The following PKD1L3 variants were observed in gnomAD, a reference collection of about 807,000 sequenced individuals.
PKD1L3 encodes polycystin-1-like protein 3.
A neutral mutation model predicts 184.1 loss-of-function variants in PKD1L3; 239 were observed. The ratio of observed to expected loss-of-function variants is 1.30; its 90% CI spans 1.17 to 1.45. The LOEUF is 1.45. PKD1L3 is among the 40% of genes most tolerant of loss of function. PKD1L3 has a pLI of 0.00. For missense variants in PKD1L3, 2,660 were observed against 2,067.2 expected (o/e 1.29, Z -5.56); for synonymous variants, 996 against 778.8 (o/e 1.28, Z -4.64).
chr16:71,989,346 T>A (rs1452774636), intron 4 of PKD1L3, among the ~76,000 whole-genome samples: 1 of 152,042 alleles, frequency 6.6e-6, no homozygotes, highest in East Asian at 1.9e-4. Flanking sequence ...AGAGACGAGG[T>A]TTCACCATGT....
At chr16:71,997,488 C>T (rs907468377) in intron 2 of PKD1L3, among the ~76,000 whole-genome samples, 2 of 151,942 alleles carry the variant, frequency 1.3e-5, no homozygotes, top group African/African-American at 4.8e-5. Flanking sequence ...GTGGCTCATG[C>T]CTGTAATCCC....
Position 71,967,700 on chromosome 16 carries a change from G to A in PKD1L3, c.2286+206C>T, listed in dbSNP as rs192298680. Reference sequence around the variant, plus strand: ...GGCTGGTCTCAAACTCCTGACCTTAGGTGACCTCCCCACCTTGGCCTCCCA... The same window carrying A: ...GGCTGGTCTCAAACTCCTGACCTTAAGTGACCTCCCCACCTTGGCCTCCCA... On this transcript the variant is annotated intron_variant, in intron 14 of 29. Coordinates refer to ENST00000620267, the MANE Select transcript of PKD1L3 (RefSeq NM_181536.2). 3.2e-3 allele frequency among the ~76,000 whole-genome samples: 493 copies of A among 152,170 alleles called. 1 individual carries two copies. The highest frequency in any genetic ancestry group is 0.01 in the Middle Eastern group (3 of 294).
intron 23 of PKD1L3, 91 bp downstream of exon 23, chr16:71,943,939 C>T (rs1332995132): frequency 1.4e-6 from 2 of 1,386,440 alleles, no homozygotes; most frequent in Non-Finnish European, 1.9e-6. Context: ...AGCTTTTTAA[C>T]CCTTCTTTAT....
rs367878627 is a variant in PKD1L3 at position 71,990,367 on chromosome 16, G to A, written c.536-38C>T. ...GAAAGCAGACTAAGTTCAAGTAAAA[G>A]CCTAAGACAGAAATATTCGTTTTAC... On this transcript the variant is annotated intron_variant, in intron 3 of 29. Coordinates refer to ENST00000620267, the MANE Select transcript of PKD1L3 (RefSeq NM_181536.2). 83 of 1,471,282 alleles carry A rather than the reference G, an allele frequency of 5.6e-5. No homozygotes were observed. In the African/African-American group the frequency reaches 1.1e-3, roughly 20 times the overall value. 91.1% of individuals were successfully genotyped at this position (1,471,282 alleles called of 1,614,324 possible).
At chr16:71,954,740 G>C (rs979515894) in intron 16 of PKD1L3, among the ~76,000 whole-genome samples, 1 of 152,180 alleles carries the variant, frequency 6.6e-6, no homozygotes, top group Non-Finnish European at 1.5e-5. Flanking sequence ...AAAAGACTTT[G>C]CTGGGCTTAA....
chr16:71,941,122 G>A (rs2038345190), intron 24 of PKD1L3, among the ~76,000 whole-genome samples: 1 of 152,004 alleles, frequency 6.6e-6, no homozygotes, highest in Non-Finnish European at 1.5e-5. Context: ...ATAGGCTTGA[G>A]ACACCGCACC....
At chr16:71,945,746 G>C (rs1006666686) in intron 22 of PKD1L3, among the ~76,000 whole-genome samples, 1 of 151,994 alleles carries the variant, frequency 6.6e-6, no homozygotes, top group Admixed American at 6.6e-5. Flanking sequence ...TGTGTTCCAA[G>C]CACCATGGGA....
chr16:71,995,984 C>T (rs1000842360), intron 2 of PKD1L3, among the ~76,000 whole-genome samples: 11 of 152,012 alleles, frequency 7.2e-5, no homozygotes, highest in East Asian at 3.8e-4. Context: ...ATTTGCATTA[C>T]GCTATTTTTT....
In PKD1L3 at chr16:71,984,079, T is replaced by C. The variant is rs1160880704; in HGVS notation, c.923A>G (p.Gln308Arg). 2 of 1,552,324 alleles carry C rather than the reference T, an allele frequency of 1.3e-6. No individual in the cohort carries two copies. Among genetic ancestry groups the C allele is most frequent in the South Asian group, 1.2e-5 (1 of 84,058 alleles). The part of the protein sequence containing the change: ...NKLQEACEFL[Q>R]KLTALTPRFS... ...TCTTGGGGTTAAGGCTGTTAGTTTCTGGAGGAACTCACAAGCTTCCTGTAG... is the reference window on the plus strand; with the variant it reads ...TCTTGGGGTTAAGGCTGTTAGTTTCCGGAGGAACTCACAAGCTTCCTGTAG... Residue 308 changes from glutamine (Q) to arginine (R), a missense_variant, in exon 6 of 30, where the codon CAG becomes CGG. By Grantham distance (43) the Gln-to-Arg change is conservative (BLOSUM62 1). Transcript: ENST00000620267.
At position 71,950,028 on chromosome 16, in the gene PKD1L3, A is replaced by G. The variant is rs758594958; in HGVS notation, c.3384-11T>C. On this transcript the variant is annotated splice_polypyrimidine_tract_variant and intron_variant, in intron 20 of 29. Coordinates refer to ENST00000620267, the MANE Select transcript of PKD1L3 (RefSeq NM_181536.2). ...AAACTGGTGACTTCCCTGAAGCACA[A>G]AAGTTGAGGGAATAATCTTGTATGC... 1.7e-5 allele frequency: 26 copies of G among 1,551,254 alleles called. No homozygotes were observed. The African/African-American group carries it at 2.6e-4, about 16-fold the overall frequency.
chr16:71,973,981 A>C (rs2039820650), intron 11 of PKD1L3, among the ~76,000 whole-genome samples: 1 of 144,722 alleles, frequency 6.9e-6, no homozygotes, highest in African/African-American at 2.6e-5. Flanking sequence ...TAGCCTGGGC[A>C]ACAGAGTGAG....
chr16:71,973,141 C>T lies in PKD1L3; in HGVS notation c.1953+183G>A, dbSNP rs185396227. Among the ~76,000 whole-genome samples, 110 of 152,350 alleles carry T rather than the reference C, an allele frequency of 7.2e-4. 2 individuals are homozygous for T. Among genetic ancestry groups the T allele is most frequent in the Admixed American group, 4.0e-3 (61 of 15,304 alleles). Reference sequence around the variant, plus strand: ...ATAAAGCACAAAGCTGCTCCTGCTTCGAAGAGGCACACTTGCCCTGCCCAC... The same window carrying T: ...ATAAAGCACAAAGCTGCTCCTGCTTTGAAGAGGCACACTTGCCCTGCCCAC... On this transcript the variant is annotated intron_variant, in intron 12 of 29. Coordinates refer to ENST00000620267, the MANE Select transcript of PKD1L3 (RefSeq NM_181536.2).
rs1315099245 is a variant in PKD1L3 at position 71,934,016 on chromosome 16, G to A, written c.4723C>T (p.Pro1575Ser). The change falls in exon 27 of 30, where the codon CCC (proline) becomes TCC (serine). Residue 1575 changes from proline to serine, a missense_variant. Coordinates refer to ENST00000620267, the MANE Select transcript of PKD1L3 (RefSeq NM_181536.2). Reference sequence around the variant, plus strand: ...GTCCTGCTGATGACCCGCAGCCTGGGGCTATGACGCAGCAGGTTCCATAAC... The same window carrying A: ...GTCCTGCTGATGACCCGCAGCCTGGAGCTATGACGCAGCAGGTTCCATAAC... The part of the protein sequence containing the change: ...VQLWNLLRHS[P>S]RLRVISRTLS... The A allele has an allele frequency of 6.4e-6, 10 of 1,551,610 alleles. No individual in the cohort carries two copies. Among genetic ancestry groups the A allele is most frequent in the African/African-American group, 4.1e-5 (3 of 73,036 alleles).
chr16:71,972,226 CAAAAAAACAA>C (rs1480658352), intron 12 of PKD1L3, among the ~76,000 whole-genome samples: 1 of 147,562 alleles, frequency 6.8e-6, no homozygotes, highest in Non-Finnish European at 1.5e-5. Flanking sequence ...AAAAAACACA[CAAAAAAACAA>C]AAAAAAACAA....
At chr16:71,987,364 G>T (rs188409410) in intron 4 of PKD1L3, among the ~76,000 whole-genome samples, 2 of 151,926 alleles carry the variant, frequency 1.3e-5, no homozygotes, top group East Asian at 3.9e-4. Flanking sequence ...GGGACTACAG[G>T]CACACACCAC....
chr16:71,963,455 C>T, intron 15 of PKD1L3, 104 bp from the exon 16 acceptor site: 5 of 1,214,342 alleles, frequency 4.1e-6, no homozygotes, highest in Non-Finnish European at 5.5e-6. Flanking sequence ...AGTAAATGAA[C>T]TGTTTCATTG....
intron 6 of PKD1L3, 115 bp from the exon 7 acceptor site, chr16:71,982,350 A>G (rs1232125093): frequency 3.4e-6 from 3 of 888,326 alleles, no homozygotes; most frequent in Non-Finnish European, 4.6e-6. Flanking sequence ...CAATGGCGTG[A>G]TATCGACTCA....
At chr16:71,978,109 CT>C in intron 10 of PKD1L3, 145 bp downstream of exon 10, 1 of 1,003,680 alleles carries the variant, frequency 1.0e-6, no homozygotes, top group Non-Finnish European at 1.4e-6. Flanking sequence ...AGGTGTATCT[CT>C]TTGTAAAAGT....
rs534533825 is a variant in PKD1L3 at position 71,978,401 on chromosome 16, C to A, written c.1399-18G>T. ...CCTGTTATCTAAAGACAAAGAGAAG[C>A]CCAGTTTTATCCATTGCTGAAATAT... On this transcript the variant is annotated intron_variant, in intron 9 of 29. Transcript: ENST00000620267. The A allele has an allele frequency of 1.4e-5, 22 of 1,541,456 alleles. No individual in the cohort carries two copies. The South Asian group carries it at 2.6e-4, about 18-fold the overall frequency.
Sources: allele counts gnomAD v4.1 joint callset (sites outside exome capture counted in the v4.1 genomes callset), GRCh38; gene constraint gnomAD v4.1.1; transcripts MANE v1.5; gene names NCBI Gene and HGNC (gene_info 2026-07-23, HGNC 2026-07-21).